Variants in RARB observed in about 807,000 individuals in gnomAD.
RARB encodes retinoic acid receptor beta.
A neutral mutation model predicts 51.9 loss-of-function variants in RARB; 17 were observed. The ratio of observed to expected loss-of-function variants is 0.33; its 90% CI spans 0.22 to 0.49. RARB has a LOEUF of 0.49. Among genes scored for constraint, RARB ranks in the 20% least tolerant of loss-of-function variants. The probability of loss-of-function intolerance (pLI) is 0.99; values close to 1 mark genes in which losing one functional copy is unlikely to be tolerated. For synonymous variants in RARB, 215 were observed against 195.4 expected, an observed-to-expected ratio of 1.10 and a Z score of -0.84; for missense variants, 369 against 550.8, an observed-to-expected ratio of 0.67 and a Z score of 3.30.
At position 25,081,604 on chromosome 3, in the gene RARB, T is replaced by C. The variant is rs1559459464; in HGVS notation, c.-328+21428T>C. The stretch of plus-strand genomic sequence containing the variant: ...TCATATACATATATATATATATATA[T>C]ATATATATATATATATATTTTTTTT... On this transcript the variant is annotated intron_variant, in intron 3 of 11. Transcript: ENST00000383772. 2.4e-3 allele frequency among the ~76,000 whole-genome samples: 35 copies of C among 14,832 alleles called. 2 individuals are homozygous for C. The highest frequency in any genetic ancestry group is 7.5e-4 in the Admixed American group (1 of 1,330). The allele number at this position is 14,832 out of a possible 152,430, so 9.7% of individuals were successfully genotyped here. A position where few individuals can be genotyped will look rare whatever the true frequency, so the allele number is the denominator to read the frequency against.
chr3:24,890,468 G>T (rs886690523), intron 2 of RARB, among the ~76,000 whole-genome samples: 1 of 152,126 alleles, frequency 6.6e-6, no homozygotes, highest in East Asian at 1.9e-4. Context: ...GACTTTGTAG[G>T]TCAGGCATGG....
Position 25,304,662 on chromosome 3 carries a change from A to G in RARB, c.178+130087A>G, listed in dbSNP as rs1370180917. On this transcript the variant is annotated intron_variant, in intron 5 of 11. Transcript: ENST00000383772. Reference sequence around the variant, plus strand: ...ACTTCCACCACTACCGCGCTAGTCCACGTACCATTTGATTTCACCTGGGTT... The same window carrying G: ...ACTTCCACCACTACCGCGCTAGTCCGCGTACCATTTGATTTCACCTGGGTT... Among the ~76,000 whole-genome samples, 12 of 152,196 alleles carry G rather than the reference A, an allele frequency of 7.9e-5. No homozygotes were observed. The South Asian group carries it at 1.0e-3, about 13-fold the overall frequency.
At chr3:25,322,773 G>A (rs930621473) in intron 5 of RARB, among the ~76,000 whole-genome samples, 7 of 152,170 alleles carry the variant, frequency 4.6e-5, no homozygotes, top group Middle Eastern at 3.4e-3. Flanking sequence ...CTGTGGCCCC[G>A]ATCCTCTGAC....
intron 5 of RARB, among the ~76,000 whole-genome samples, chr3:25,205,250 T>C (rs1458051725): frequency 6.6e-6 from 1 of 152,180 alleles, no homozygotes; most frequent in Non-Finnish European, 1.5e-5. Flanking sequence ...TCTCCTGCTG[T>C]GCAGTTTGCT....
intron 5 of RARB, among the ~76,000 whole-genome samples, chr3:25,194,520 G>T (rs577487105): frequency 2.0e-5 from 3 of 146,680 alleles, no homozygotes; most frequent in African/African-American, 5.0e-5. Context: ...TATATATGTT[G>T]ATATATATAT....
At chr3:25,412,010 A>C (rs950678673) in intron 5 of RARB, among the ~76,000 whole-genome samples, 1 of 152,160 alleles carries the variant, frequency 6.6e-6, no homozygotes. Context: ...GATTTTAAAC[A>C]TTCTCTTTCT....
At chr3:25,419,443 C>T (rs988983110) in intron 5 of RARB, among the ~76,000 whole-genome samples, 3 of 152,054 alleles carry the variant, frequency 2.0e-5, no homozygotes, top group Non-Finnish European at 4.4e-5. Context: ...GACAGGAAGC[C>T]CAAACTTGGG....
At chr3:24,971,350 A>G (rs1696394114) in intron 2 of RARB, among the ~76,000 whole-genome samples, 1 of 152,024 alleles carries the variant, frequency 6.6e-6, no homozygotes, top group Non-Finnish European at 1.5e-5. Flanking sequence ...TGTTATTTGA[A>G]AGAAAACCAT....
At position 25,289,927 on chromosome 3, in the gene RARB, G is replaced by A. The variant is rs183176096; in HGVS notation, c.178+115352G>A. ...TACCAGGAATTCCTAGTGGCTAAAA[G>A]GATGTCACCACAACTCTGAGCTGGG... On this transcript the variant is annotated intron_variant, in intron 5 of 11. Coordinates refer to the RARB transcript ENST00000383772. Among the ~76,000 whole-genome samples the A allele has an allele frequency of 5.3e-5, 8 of 152,276 alleles. No homozygotes were observed. In the East Asian group the frequency reaches 1.5e-3, roughly 29 times the overall value.
intron 4 of RARB, among the ~76,000 whole-genome samples, chr3:25,145,087 G>A (rs1700166336): frequency 6.6e-6 from 1 of 152,188 alleles, no homozygotes; most frequent in Admixed American, 6.5e-5. Context: ...AGGCCCTTCT[G>A]TAGACTGAGT....
intron 5 of RARB, among the ~76,000 whole-genome samples, chr3:25,369,928 A>G (rs967370723): frequency 2.6e-5 from 4 of 152,192 alleles, no homozygotes; most frequent in Non-Finnish European, 4.4e-5. Flanking sequence ...AGAAAAAAAA[A>G]AAGATGTTCA....
chr3:24,879,074 T>TC (rs1220629593), intron 2 of RARB, among the ~76,000 whole-genome samples: 11 of 152,310 alleles, frequency 7.2e-5, no homozygotes, highest in African/African-American at 1.4e-4. Flanking sequence ...ATATTTTTTT[T>TC]CTCACTGTAG....
chr3:25,449,087 G>A (rs1345475763), intron 1 of RARB, among the ~76,000 whole-genome samples: 5 of 152,060 alleles, frequency 3.3e-5, no homozygotes, highest in African/African-American at 1.2e-4. Context: ...CGTAGGGGCT[G>A]GGGGCTCAGA....
chr3:25,250,949 AG>A (rs1283346466), intron 5 of RARB, among the ~76,000 whole-genome samples: 1 of 152,116 alleles, frequency 6.6e-6, no homozygotes, highest in Non-Finnish European at 1.5e-5. Flanking sequence ...GAACCTCTAC[AG>A]GCTTCCAGTT....
chr3:25,027,358 G>T (rs1351147051), intron 2 of RARB, among the ~76,000 whole-genome samples: 1 of 152,106 alleles, frequency 6.6e-6, no homozygotes, highest in Non-Finnish European at 1.5e-5. Flanking sequence ...AAGCAGGCTG[G>T]GCAATATGGG....
At chr3:25,523,272 A>G (rs1048167035) in intron 3 of RARB, among the ~76,000 whole-genome samples, 3 of 152,186 alleles carry the variant, frequency 2.0e-5, no homozygotes, top group African/African-American at 7.2e-5. Flanking sequence ...GGTAAGAATC[A>G]CATTCTTATA....
chr3:25,428,075 G>A (rs985588495), upstream of RARB, among the ~76,000 whole-genome samples: 13 of 152,310 alleles, frequency 8.5e-5, no homozygotes, highest in African/African-American at 3.1e-4. Flanking sequence ...GAAAACGCCG[G>A]CTTGTGCGCT....
chr3:25,494,277 A>ACACACACACACACACACACG (rs1360036900), intron 2 of RARB, among the ~76,000 whole-genome samples: 59 of 135,688 alleles, frequency 4.3e-4, no homozygotes, highest in African/African-American at 1.5e-3. Context: ...ACACACACAC[A>ACACACACACACACACACACG]CATGCCATCA....
At chr3:24,985,049 A>T (rs553378192) in intron 2 of RARB, among the ~76,000 whole-genome samples, 1 of 152,340 alleles carries the variant, frequency 6.6e-6, no homozygotes, top group South Asian at 2.1e-4. Context: ...CTGGAAATTC[A>T]TTAAATATTT....
Sources: allele counts gnomAD v4.1 joint callset (sites outside exome capture counted in the v4.1 genomes callset), GRCh38; gene constraint gnomAD v4.1.1; transcripts MANE v1.5; gene names NCBI Gene and HGNC (gene_info 2026-07-23, HGNC 2026-07-21).